The following MARCHF3 variants were observed in gnomAD, a reference collection of about 807,000 sequenced individuals.
MARCHF3 encodes the protein E3 ubiquitin-protein ligase MARCHF3.
Under a neutral mutation model 24.2 loss-of-function variants are expected in MARCHF3, and 13 were observed. The ratio of observed to expected loss-of-function variants is 0.54; its 90% CI spans 0.35 to 0.85. MARCHF3 has a LOEUF of 0.85. Among genes scored for constraint, MARCHF3 ranks in the 40% least tolerant of loss-of-function variants. The probability of loss-of-function intolerance (pLI) is 0.01; values close to 1 mark genes in which losing one functional copy is unlikely to be tolerated. For synonymous variants in MARCHF3, 144 were observed against 137.3 expected, an observed-to-expected ratio of 1.05 and a Z score of -0.34; for missense variants, 276 against 325.0, an observed-to-expected ratio of 0.85 and a Z score of 1.16.
At chr5:126,927,969 C>CTGA (rs1455861020) in intron 1 of MARCHF3, among the ~76,000 whole-genome samples, 2 of 152,190 alleles carry the variant, frequency 1.3e-5, no homozygotes, top group Admixed American at 1.3e-4. Flanking sequence ...ACGTTTTCAT[C>CTGA]TGATGGTACT....
At chr5:126,877,822 C>T (rs1157247269) in intron 4 of MARCHF3, among the ~76,000 whole-genome samples, 1 of 152,174 alleles carries the variant, frequency 6.6e-6, no homozygotes, top group Non-Finnish European at 1.5e-5. Flanking sequence ...TCATAATATA[C>T]TACAATCCCG....
intron 1 of MARCHF3, among the ~76,000 whole-genome samples, chr5:126,942,949 A>G (rs1180266698): frequency 6.6e-6 from 1 of 152,246 alleles, no homozygotes; most frequent in Non-Finnish European, 1.5e-5. Context: ...AAAATTCCTC[A>G]GTGTCAAACA....
chr5:126,920,451 G>A (rs1749070198), intron 1 of MARCHF3, among the ~76,000 whole-genome samples: 1 of 152,186 alleles, frequency 6.6e-6, no homozygotes, highest in Non-Finnish European at 1.5e-5. Flanking sequence ...GGCAGCCATA[G>A]ATTAAGAGCC....
At chr5:126,956,578 G>A (rs1387916928) in intron 1 of MARCHF3, among the ~76,000 whole-genome samples, 1 of 138,224 alleles carries the variant, frequency 7.2e-6, no homozygotes, top group Non-Finnish European at 1.5e-5. Flanking sequence ...CTGGGAGGTG[G>A]AAGTTGCAGT....
At chr5:126,878,924 G>T (rs150970428) in intron 3 of MARCHF3, among the ~76,000 whole-genome samples, 67 of 152,244 alleles carry the variant, frequency 4.4e-4, no homozygotes, top group African/African-American at 1.5e-3. Flanking sequence ...CATGCCAGAG[G>T]CCTTGGGCCC....
chr5:126,983,551 C>T (rs1751459718), intron 1 of MARCHF3, among the ~76,000 whole-genome samples: 1 of 152,188 alleles, frequency 6.6e-6, no homozygotes, highest in Admixed American at 6.5e-5. Flanking sequence ...TGTCAGCAGG[C>T]TCAGAATGCA....
At chr5:126,919,833 G>C (rs910508891) in intron 1 of MARCHF3, among the ~76,000 whole-genome samples, 2 of 152,184 alleles carry the variant, frequency 1.3e-5, no homozygotes, top group Non-Finnish European at 2.9e-5. Context: ...CTCAGGGTCT[G>C]CGTCTGCCTT....
intron 1 of MARCHF3, among the ~76,000 whole-genome samples, chr5:127,006,287 A>G (rs1354015994): frequency 6.6e-6 from 1 of 152,002 alleles, no homozygotes; most frequent in African/African-American, 2.4e-5. Flanking sequence ...ATTTTTATCC[A>G]GAACAGTGTG....
At chr5:126,966,924 TTTTTTTTTTTTTTTTTTTTTTGC>T in intron 1 of MARCHF3, among the ~76,000 whole-genome samples, 2 of 124,926 alleles carry the variant, frequency 1.6e-5, no homozygotes, top group African/African-American at 3.0e-5. Flanking sequence ...TTTTTTTTTT[TTTTTTTTTTTTTTTTTTTTTTGC>T]TATTACCTAT....
chr5:126,943,850 G>A (rs1169005473), intron 1 of MARCHF3, among the ~76,000 whole-genome samples: 2 of 151,404 alleles, frequency 1.3e-5, no homozygotes, highest in Non-Finnish European at 2.9e-5. Flanking sequence ...TCGCTCTGTC[G>A]CTCAGGCTGG....
intron 1 of MARCHF3, among the ~76,000 whole-genome samples, chr5:126,950,108 C>T (rs1293208085): frequency 6.6e-6 from 1 of 152,168 alleles, no homozygotes; most frequent in Non-Finnish European, 1.5e-5. Flanking sequence ...TGATGTCCTC[C>T]TGACCCAGTT....
intron 1 of MARCHF3, among the ~76,000 whole-genome samples, chr5:126,929,815 C>T (rs867865472): frequency 2.0e-5 from 3 of 152,090 alleles, no homozygotes; most frequent in Admixed American, 6.6e-5. Context: ...CAGGTCTTTC[C>T]CATGCTGTTC....
intron 3 of MARCHF3, chr5:126,899,349 C>A (rs1754028550): frequency 1.0e-6 from 1 of 974,086 alleles, no homozygotes; most frequent in African/African-American, 1.8e-5. Flanking sequence ...TTCTGGGTTG[C>A]AAAATAAGGT....
intron 3 of MARCHF3, among the ~76,000 whole-genome samples, chr5:126,888,527 C>G (rs953613073): frequency 6.6e-6 from 1 of 151,808 alleles, no homozygotes; most frequent in African/African-American, 2.4e-5. Context: ...AAAATAATCT[C>G]TAATTATTTT....
intron 4 of MARCHF3, among the ~76,000 whole-genome samples, chr5:126,872,604 G>A (rs1753009690): frequency 6.6e-6 from 1 of 152,122 alleles, no homozygotes; most frequent in Non-Finnish European, 1.5e-5. Context: ...TCAGAAAGTA[G>A]GCTGGCCTGA....
chr5:127,013,177 C>T (rs1487734817), intron 1 of MARCHF3, among the ~76,000 whole-genome samples: 2 of 152,150 alleles, frequency 1.3e-5, no homozygotes, highest in African/African-American at 2.4e-5. Flanking sequence ...CAGCCACTCC[C>T]CAAAATACTT....
rs780126438 is a variant in MARCHF3 at position 127,028,403 on chromosome 5, T to C, written c.-57+1947A>G. Among the ~76,000 whole-genome samples the C allele has an allele frequency of 1.6e-4, 24 of 152,228 alleles. 1 individual carries two copies. The highest frequency in any genetic ancestry group is 1.2e-4 in the Non-Finnish European group (8 of 68,042). ...TTTTGTGATAAAGCCTTTTTATTAT[T>C]TTAAAACTATAAATTGTGAATCATT... On this transcript the variant is annotated intron_variant, in intron 1 of 4. Transcript: ENST00000308660.
At chr5:127,004,512 C>T (rs1752243434) in intron 1 of MARCHF3, among the ~76,000 whole-genome samples, 1 of 151,614 alleles carries the variant, frequency 6.6e-6, no homozygotes, top group Non-Finnish European at 1.5e-5. Context: ...TGTTCTACTA[C>T]CTCATTACAT....
chr5:126,958,681 T>C (rs1004518657), intron 1 of MARCHF3, among the ~76,000 whole-genome samples: 2 of 151,442 alleles, frequency 1.3e-5, no homozygotes, highest in African/African-American at 4.8e-5. Context: ...CAAATGTGAC[T>C]TTTTTTTTAA....
Sources: gnomAD v4.1 joint callset for allele counts (sites outside exome capture counted in the v4.1 genomes callset) on GRCh38, gnomAD v4.1.1 for gene constraint, MANE v1.5 for transcripts, NCBI Gene and HGNC (gene_info 2026-07-23, HGNC 2026-07-21) for gene names.